The following SLC9D1 variants were observed in gnomAD, a reference collection of about 807,000 sequenced individuals.
SLC9D1 encodes solute carrier family 9 member D1.
At chr13:113,509,562 GC>G in the SLC9D1 span, among the ~76,000 whole-genome samples, 9 of 152,170 alleles carry the variant, frequency 5.9e-5, no homozygotes, top group Non-Finnish European at 1.2e-4. Flanking sequence ...TCCTTCTAGG[GC>G]CCCCACCCCA....
the SLC9D1 span, among the ~76,000 whole-genome samples, chr13:113,523,194 C>T: frequency 6.7e-6 from 1 of 150,100 alleles, no homozygotes; most frequent in Non-Finnish European, 1.5e-5. Flanking sequence ...GGAAGTGTTC[C>T]TTTCTTTTTA....
chr13:113,503,733 G>A, the SLC9D1 span: 2 of 574,966 alleles, frequency 3.5e-6, no homozygotes, highest in South Asian at 2.3e-5. Flanking sequence ...GTTATTTTTG[G>A]GACAAATTCA....
chr13:113,503,008 C>A, the SLC9D1 span, among the ~76,000 whole-genome samples: 1 of 152,226 alleles, frequency 6.6e-6, no homozygotes, highest in Non-Finnish European at 1.5e-5. Flanking sequence ...AGAATGGCCT[C>A]TGGGAAGAAC....
chr13:113,534,276 A>T, the SLC9D1 span: 2 of 1,455,814 alleles, frequency 1.4e-6, no homozygotes, highest in African/African-American at 1.4e-5. Context: ...ATGTAATCTG[A>T]TACATAATCT....
the SLC9D1 span, among the ~76,000 whole-genome samples, chr13:113,547,905 C>T: frequency 5.9e-5 from 6 of 101,008 alleles, no homozygotes; most frequent in East Asian, 1.1e-3. Context: ...CTTAGCTACT[C>T]GGCCCAAAGA....
At chr13:113,507,635 C>T in the SLC9D1 span, among the ~76,000 whole-genome samples, 22 of 152,230 alleles carry the variant, frequency 1.4e-4, no homozygotes, top group Non-Finnish European at 1.5e-4. Context: ...GCTCCTCTAG[C>T]CTGACTTCAA....
chr13:113,533,492 G>A, the SLC9D1 span, among the ~76,000 whole-genome samples: 37 of 152,186 alleles, frequency 2.4e-4, no homozygotes, highest in Non-Finnish European at 4.4e-4. Flanking sequence ...TTGTGAAGAC[G>A]GCAGATAGTG....
the SLC9D1 span, among the ~76,000 whole-genome samples, chr13:113,544,835 C>T: frequency 1.3e-5 from 2 of 152,350 alleles, no homozygotes; most frequent in African/African-American, 4.8e-5. Context: ...GGGGCTGGAG[C>T]CTGAACGTAG....
chr13:113,549,645 G>A, the SLC9D1 span: 1 of 1,319,742 alleles, frequency 7.6e-7, no homozygotes, highest in South Asian at 1.2e-5. Flanking sequence ...CAACAGAACA[G>A]CCCTCTAGCA....
chr13:113,506,147 G>A, the SLC9D1 span: 3 of 193,800 alleles, frequency 1.5e-5, no homozygotes, highest in South Asian at 6.7e-5. Flanking sequence ...GTAAGGGAGC[G>A]TGGGCCGCGT....
chr13:113,541,497 G>A, the SLC9D1 span, among the ~76,000 whole-genome samples: 1 of 126,476 alleles, frequency 7.9e-6, no homozygotes, highest in Non-Finnish European at 1.6e-5. Context: ...CCGCCGAGAT[G>A]TGTGGATGAT....
chr13:113,534,008 T>G, the SLC9D1 span: 3,461 of 1,498,720 alleles, frequency 2.3e-3, 7 homozygotes, highest in Non-Finnish European at 2.8e-3. Flanking sequence ...AGAACTGTGT[T>G]TTGGAAGTGA....
chr13:113,491,378 C>T, the SLC9D1 span: 5 of 150,248 alleles, frequency 3.3e-5, no homozygotes, highest in African/African-American at 9.9e-5. Context: ...GCTCACCTTC[C>T]CTTCTTCCCT....
At chr13:113,535,496 C>T in the SLC9D1 span, among the ~76,000 whole-genome samples, 2 of 152,198 alleles carry the variant, frequency 1.3e-5, no homozygotes, top group Non-Finnish European at 2.9e-5. The surrounding 1 kb of genome is among the most constrained non-coding windows in gnomAD (Gnocchi z 4.1). Context: ...CACACAGTAG[C>T]CTGTACACAG....
chr13:113,548,185 C>A, the SLC9D1 span: 1 of 1,121,636 alleles, frequency 8.9e-7, no homozygotes, highest in Non-Finnish European at 1.3e-6. Flanking sequence ...CCCTACTTGA[C>A]GTGTTATTCA....
the SLC9D1 span, among the ~76,000 whole-genome samples, chr13:113,512,232 C>T: frequency 3.0e-5 from 4 of 135,418 alleles, no homozygotes; most frequent in Admixed American, 7.5e-5. Context: ...CACTCGGAGT[C>T]GCGGGGGCCG....
chr13:113,519,492 C>T, the SLC9D1 span, among the ~76,000 whole-genome samples: 2 of 152,160 alleles, frequency 1.3e-5, no homozygotes, highest in Non-Finnish European at 2.9e-5. Flanking sequence ...GTGCAAGTTA[C>T]TGAATTTGTG....
At chr13:113,520,630 A>G in the SLC9D1 span, 2 of 1,613,576 alleles carry the variant, frequency 1.2e-6, no homozygotes, top group South Asian at 1.1e-5. Flanking sequence ...CATTGACTAC[A>G]GCACCGTGCT....
chr13:113,503,779 A>T, the SLC9D1 span: 37,833 of 563,878 alleles, frequency 0.067, 1,452 homozygotes, highest in Non-Finnish European at 0.077. Context: ...AAGCGTAGAA[A>T]TTCAGTGAAG....
Sources: allele counts gnomAD v4.1 joint callset (sites outside exome capture counted in the v4.1 genomes callset), GRCh38; gene constraint gnomAD v4.1.1; non-coding constraint Gnocchi (gnomAD v3.1); transcripts MANE v1.5; gene names NCBI Gene and HGNC (gene_info 2026-07-23, HGNC 2026-07-21).